Variants in MARCHF11 observed in about 807,000 individuals in gnomAD.
The protein encoded by MARCHF11 is E3 ubiquitin-protein ligase MARCHF11.
In MARCHF11, 29 loss-of-function variants were observed where a neutral mutation model predicts 37.3. The observed-to-expected ratio is 0.78, with a 90% CI of 0.58 to 1.06. MARCHF11 has a LOEUF of 1.06. Among genes scored for constraint, MARCHF11 ranks in the 50% least tolerant of loss-of-function variants. The probability of loss-of-function intolerance (pLI) is 0.00; values close to 1 mark genes in which losing one functional copy is unlikely to be tolerated. For missense variants in MARCHF11, 482 were observed against 533.4 expected, an observed-to-expected ratio of 0.90 and a Z score of 0.95; for synonymous variants, 233 against 228.0, an observed-to-expected ratio of 1.02 and a Z score of -0.20.
intron 2 of MARCHF11, among the ~76,000 whole-genome samples, chr5:16,097,693 C>CA: frequency 6.6e-6 from 1 of 152,126 alleles, no homozygotes; most frequent in Non-Finnish European, 1.5e-5. Context: ...AAGTTGTCAT[C>CA]AAAAGCCTTC....
chr5:16,123,332 G>A (rs1019921378), intron 2 of MARCHF11, among the ~76,000 whole-genome samples: 2 of 152,120 alleles, frequency 1.3e-5, no homozygotes, highest in Non-Finnish European at 2.9e-5. Context: ...TGGGTACAGA[G>A]GGAAGACCTC....
chr5:16,178,949 A>G, intron 1 of MARCHF11, 90 bp downstream of exon 1: 6 of 1,322,026 alleles, frequency 4.5e-6, no homozygotes, highest in Non-Finnish European at 5.8e-6. Context: ...GCAAACTGGG[A>G]GGTAGGCGTG....
In MARCHF11 at chr5:16,161,709, T is replaced by TAGCTCCAGG. The variant is rs1309440582; in HGVS notation, c.693+16008_693+16016dup. On this transcript the variant is annotated intron_variant, in intron 2 of 3. Transcript: ENST00000332432. ...CTGGAAGCCCAAATATCAATTTGTG[T>TAGCTCCAGG]AGCTCCAGGAGCAACATAAAAAGTT... 2.0e-5 allele frequency among the ~76,000 whole-genome samples: 3 copies of TAGCTCCAGG among 152,092 alleles called. No homozygotes were observed. The East Asian group carries it at 5.8e-4, about 30-fold the overall frequency.
At chr5:16,138,415 A>G (rs1293102969) in intron 2 of MARCHF11, among the ~76,000 whole-genome samples, 1 of 152,192 alleles carries the variant, frequency 6.6e-6, no homozygotes, top group Non-Finnish European at 1.5e-5. Flanking sequence ...TTCTCCCTAG[A>G]TTTCAGCATA....
intron 2 of MARCHF11, among the ~76,000 whole-genome samples, chr5:16,119,385 A>G (rs11960118): frequency 0.029 from 4,437 of 151,666 alleles, 226 homozygotes; most frequent in African/African-American, 0.1. Context: ...AAAAGTCAAG[A>G]AAGAGAAGAA....
intron 2 of MARCHF11, among the ~76,000 whole-genome samples, chr5:16,091,941 G>A (rs1477643146): frequency 1.3e-5 from 2 of 152,204 alleles, no homozygotes; most frequent in Non-Finnish European, 2.9e-5. Context: ...AGGTTTGCCA[G>A]TAAACCATGA....
At chr5:16,099,513 T>C (rs960971088) in intron 2 of MARCHF11, among the ~76,000 whole-genome samples, 13 of 152,174 alleles carry the variant, frequency 8.5e-5, no homozygotes, top group African/African-American at 2.7e-4. Flanking sequence ...AGACTCACCA[T>C]TGTTCATATA....
intron 2 of MARCHF11, among the ~76,000 whole-genome samples, chr5:16,125,619 C>CTG (rs34769733): frequency 0.016 from 2,246 of 142,238 alleles, 27 homozygotes; most frequent in Middle Eastern, 0.039. Flanking sequence ...GGCACACTCT[C>CTG]TGTGTGTGTG....
chr5:16,092,552 A>G (rs1053809949), intron 2 of MARCHF11, among the ~76,000 whole-genome samples: 1 of 152,108 alleles, frequency 6.6e-6, no homozygotes, highest in Non-Finnish European at 1.5e-5. Context: ...ACATGGACAC[A>G]GGGAGGGGAA....
rs147540849 is a variant in MARCHF11, at chr5:16,168,812, G to A, written c.693+8914C>T. On this transcript the variant is annotated intron_variant, in intron 2 of 3. Transcript: ENST00000332432. ...TTACTGAATGCTCAATACAGGCCTG[G>A]CAAATCCTCTGTTCTTGACTACTCT... Among the ~76,000 whole-genome samples, 653 of 152,120 alleles carry A rather than the reference G, an allele frequency of 4.3e-3. 18 individuals are homozygous for A. Among genetic ancestry groups the A allele is most frequent in the Admixed American group, 0.041 (629 of 15,292 alleles).
At chr5:16,118,422 A>C (rs1737256292) in intron 2 of MARCHF11, among the ~76,000 whole-genome samples, 1 of 152,198 alleles carries the variant, frequency 6.6e-6, no homozygotes, top group Admixed American at 6.5e-5. Context: ...GGGGGGAATG[A>C]CTTGAACCAG....
intron 3 of MARCHF11, among the ~76,000 whole-genome samples, chr5:16,086,924 G>A (rs1401147139): frequency 6.6e-6 from 1 of 152,150 alleles, no homozygotes; most frequent in Middle Eastern, 3.2e-3. Context: ...CCTTCTGCCG[G>A]GCAGGTGTAC....
In MARCHF11 at chr5:16,123,915, A is replaced by G. The variant is rs2126578993; in HGVS notation, c.694-32834T>C. 2.6e-5 allele frequency among the ~76,000 whole-genome samples: 4 copies of G among 152,314 alleles called. 1 individual carries two copies. The South Asian group carries it at 8.3e-4, about 32-fold the overall frequency. ...AATATGTGGCATGAAAAATACACAG[A>G]TACATATGGATCAATGGGATAGAAC... On this transcript the variant is annotated intron_variant, in intron 2 of 3. Coordinates refer to ENST00000332432, the MANE Select transcript of MARCHF11 (RefSeq NM_001102562.3).
chr5:16,168,480 T>C (rs1386437603), intron 2 of MARCHF11, among the ~76,000 whole-genome samples: 7 of 152,148 alleles, frequency 4.6e-5, no homozygotes, highest in Admixed American at 4.6e-4. Flanking sequence ...ATGAATTTAA[T>C]AGAAGCGATG....
chr5:16,112,965 T>C (rs1037177685), intron 2 of MARCHF11, among the ~76,000 whole-genome samples: 1 of 152,110 alleles, frequency 6.6e-6, no homozygotes, highest in East Asian at 1.9e-4. Flanking sequence ...GAACTGTGAG[T>C]CCATTAAACC....
chr5:16,164,551 T>C (rs1738139036), intron 2 of MARCHF11, among the ~76,000 whole-genome samples: 1 of 152,008 alleles, frequency 6.6e-6, no homozygotes, highest in Non-Finnish European at 1.5e-5. Context: ...AAATATAATA[T>C]GGTGCATTTT....
chr5:16,155,823 T>C (rs1029679794), intron 2 of MARCHF11, among the ~76,000 whole-genome samples: 1 of 151,914 alleles, frequency 6.6e-6, no homozygotes, highest in African/African-American at 2.4e-5. Context: ...TTTCTAGAAG[T>C]AGCCACTGTA....
chr5:16,084,359 T>C (rs1460239160), intron 3 of MARCHF11, among the ~76,000 whole-genome samples: 1 of 152,208 alleles, frequency 6.6e-6, no homozygotes, highest in Admixed American at 6.5e-5. Flanking sequence ...AGAATTTACA[T>C]AGGCCAGGTG....
chr5:16,152,771 T>G (rs1212648123), intron 2 of MARCHF11, among the ~76,000 whole-genome samples: 1 of 152,032 alleles, frequency 6.6e-6, no homozygotes, highest in Non-Finnish European at 1.5e-5. Context: ...TCATGTGTTA[T>G]CTCACCACCT....
Sources: allele counts gnomAD v4.1 joint callset (sites outside exome capture counted in the v4.1 genomes callset), GRCh38; gene constraint gnomAD v4.1.1; transcripts MANE v1.5; gene names NCBI Gene and HGNC (gene_info 2026-07-23, HGNC 2026-07-21).